Variants in DAB1 observed in about 807,000 individuals in gnomAD.
DAB1 encodes DAB adaptor protein 1, also known as disabled homolog 1.
In DAB1, 15 loss-of-function variants were observed where a neutral mutation model predicts 64.6. That is an observed-to-expected ratio of 0.23 (90% CI 0.16 to 0.36). DAB1 has a LOEUF of 0.36. Ranked by LOEUF, DAB1 falls within the 10% of genes least tolerant of loss-of-function variation. The probability of loss-of-function intolerance (pLI) is 1.00; values close to 1 mark genes in which losing one functional copy is unlikely to be tolerated. For synonymous variants in DAB1, 235 were observed against 251.9 expected (o/e 0.93, Z 0.64); for missense variants, 596 against 706.7 (o/e 0.84, Z 1.78).
chr1:58,369,641 G>C (rs1197633685), intron 3 of DAB1, among the ~76,000 whole-genome samples: 1 of 152,192 alleles, frequency 6.6e-6, no homozygotes, highest in Non-Finnish European at 1.5e-5. Flanking sequence ...ATTTCATTTA[G>C]TCTTCAAAAT....
chr1:57,127,937 C>T (rs891148932), intron 4 of DAB1, among the ~76,000 whole-genome samples: 3 of 152,046 alleles, frequency 2.0e-5, no homozygotes, highest in Admixed American at 6.6e-5. Flanking sequence ...CACCTGAGGT[C>T]AGGAGTTCGA....
intron 1 of DAB1, among the ~76,000 whole-genome samples, chr1:57,346,281 T>C (rs1354347562): frequency 6.6e-6 from 1 of 152,224 alleles, no homozygotes; most frequent in Non-Finnish European, 1.5e-5. Context: ...TATTTCAGCT[T>C]CAACTTGACT....
At chr1:57,901,967 G>A (rs1459269934) in intron 5 of DAB1, among the ~76,000 whole-genome samples, 1 of 151,630 alleles carries the variant, frequency 6.6e-6, no homozygotes, top group African/African-American at 2.4e-5. Context: ...AAACACGCGG[G>A]CAACATGGCA....
At chr1:57,745,967 A>C (rs1244484672) in intron 6 of DAB1, among the ~76,000 whole-genome samples, 1 of 152,222 alleles carries the variant, frequency 6.6e-6, no homozygotes, top group East Asian at 1.9e-4. Context: ...TATACTGTAC[A>C]TACACTACAT....
chr1:57,106,710 A>G (rs915148025), intron 4 of DAB1, among the ~76,000 whole-genome samples: 6 of 152,318 alleles, frequency 3.9e-5, no homozygotes, highest in African/African-American at 1.4e-4. Flanking sequence ...AAGACACAAC[A>G]TTGATGAAGT....
At chr1:57,206,990 T>TTTTTG (rs1665606957) in intron 2 of DAB1, among the ~76,000 whole-genome samples, 1 of 144,816 alleles carries the variant, frequency 6.9e-6, no homozygotes, top group East Asian at 2.0e-4. Context: ...TTTTTTTTTT[T>TTTTTG]GGAGTTTCGC....
intron 7 of DAB1, among the ~76,000 whole-genome samples, chr1:57,533,478 G>A (rs746030754): frequency 7.3e-5 from 11 of 150,224 alleles, no homozygotes; most frequent in Admixed American, 4.6e-4. Context: ...ACAAAGTGAG[G>A]TCACTGAAAC....
At chr1:58,526,000 G>C (rs1646343657) in intron 2 of DAB1, among the ~76,000 whole-genome samples, 1 of 151,662 alleles carries the variant, frequency 6.6e-6, no homozygotes, top group Non-Finnish European at 1.5e-5. Context: ...CTATCCATAG[G>C]GGAAAAAAAA....
At chr1:57,365,208 A>G (rs953200154) in intron 1 of DAB1, among the ~76,000 whole-genome samples, 1 of 142,860 alleles carries the variant, frequency 7.0e-6, no homozygotes, top group Admixed American at 7.3e-5. Flanking sequence ...ATAAATATAT[A>G]AATATATATT....
chr1:58,537,699 A>G (rs562998930), intron 1 of DAB1, among the ~76,000 whole-genome samples: 3 of 152,224 alleles, frequency 2.0e-5, no homozygotes, highest in Admixed American at 6.6e-5. Context: ...ACAAATTCTT[A>G]AAGTTCTCTT....
chr1:58,509,009 C>T (rs1459610854), intron 2 of DAB1, among the ~76,000 whole-genome samples: 1 of 152,118 alleles, frequency 6.6e-6, no homozygotes, highest in African/African-American at 2.4e-5. Context: ...AGAACAAAGA[C>T]AGCACTTTGG....
intron 6 of DAB1, among the ~76,000 whole-genome samples, chr1:57,690,486 C>T (rs540727043): frequency 6.6e-6 from 1 of 152,300 alleles, no homozygotes; most frequent in South Asian, 2.1e-4. Flanking sequence ...CTAAGACATG[C>T]CTGCTTTCCC....
chr1:57,140,984 C>T (rs200957656), intron 3 of DAB1, among the ~76,000 whole-genome samples: 1 of 151,960 alleles, frequency 6.6e-6, no homozygotes, highest in Non-Finnish European at 1.5e-5. Flanking sequence ...GTACATGCAC[C>T]CAACGTTATG....
chr1:57,619,449 G>A (rs771439446), intron 7 of DAB1, among the ~76,000 whole-genome samples: 2 of 152,056 alleles, frequency 1.3e-5, no homozygotes, highest in Non-Finnish European at 2.9e-5. Context: ...TGCCCATGCT[G>A]GAATGCAGTG....
At chr1:57,556,036 T>C (rs1284546695) in intron 7 of DAB1, among the ~76,000 whole-genome samples, 1 of 152,188 alleles carries the variant, frequency 6.6e-6, no homozygotes, top group Non-Finnish European at 1.5e-5. Flanking sequence ...GTGAGGATGG[T>C]GTTTCCAACA....
intron 5 of DAB1, among the ~76,000 whole-genome samples, chr1:58,008,429 C>T (rs1228710888): frequency 6.6e-6 from 1 of 151,744 alleles, no homozygotes; most frequent in African/African-American, 2.4e-5. Flanking sequence ...AGTAAGGATC[C>T]CTAAAGAAGG....
intron 14 of DAB1, among the ~76,000 whole-genome samples, chr1:57,009,020 G>A (rs1646182849): frequency 1.3e-5 from 2 of 152,332 alleles, no homozygotes; most frequent in African/African-American, 4.8e-5. Flanking sequence ...TTGTAGGATT[G>A]TCTCAAGCTG....
intron 5 of DAB1, among the ~76,000 whole-genome samples, chr1:57,898,662 G>A (rs1003465608): frequency 3.9e-5 from 6 of 152,186 alleles, no homozygotes; most frequent in South Asian, 4.1e-4. Flanking sequence ...CCAGCACACC[G>A]CTTCTCAGCT....
In DAB1 at chr1:56,999,854, G is replaced by T. The variant is rs373925164; in HGVS notation, c.*16-1726C>A. Among the ~76,000 whole-genome samples the T allele has an allele frequency of 1.1e-3, 167 of 152,148 alleles. 3 individuals carry two copies. In the South Asian group the frequency reaches 0.033, roughly 30 times the overall value. Reference sequence around the variant, plus strand: ...TGGGAAGGAACTTCTTTCCTTGGAGGCACCCTATTATGCAGTGTAACAAAG... The same window carrying T: ...TGGGAAGGAACTTCTTTCCTTGGAGTCACCCTATTATGCAGTGTAACAAAG... On this transcript the variant is annotated intron_variant, in intron 14 of 14. Coordinates refer to ENST00000371236, the MANE Select transcript of DAB1 (RefSeq NM_001365792.1).
Sources: gnomAD v4.1 joint callset for allele counts (sites outside exome capture counted in the v4.1 genomes callset) on GRCh38, gnomAD v4.1.1 for gene constraint, MANE v1.5 for transcripts, NCBI Gene and HGNC (gene_info 2026-07-23, HGNC 2026-07-21) for gene names.